Variants in MYO1E observed in about 807,000 individuals in gnomAD.
MYO1E encodes the protein myosin IE.
Under a neutral mutation model 151.1 loss-of-function variants are expected in MYO1E, and 68 were observed. The observed-to-expected ratio is 0.45, with a 90% CI of 0.37 to 0.55. MYO1E has a LOEUF of 0.55. Ranked by LOEUF, MYO1E falls within the 20% of genes least tolerant of loss-of-function variation. MYO1E has a pLI of 0.00. For missense variants in MYO1E, 1,363 were observed against 1,389.3 expected, an observed-to-expected ratio of 0.98 and a Z score of 0.30; for synonymous variants, 601 against 501.7, an observed-to-expected ratio of 1.20 and a Z score of -2.64.
chr15:59,181,018 A>G (rs1844661178), intron 18 of MYO1E, among the ~76,000 whole-genome samples: 1 of 151,962 alleles, frequency 6.6e-6, no homozygotes, highest in South Asian at 2.1e-4. Context: ...TCCTTCTCAG[A>G]GGAAATGCAG....
At chr15:59,236,405 CACACACACACACACAA>C (rs2080066225) in intron 5 of MYO1E, among the ~76,000 whole-genome samples, 164 bp downstream of exon 5, 1 of 149,002 alleles carries the variant, frequency 6.7e-6, no homozygotes, top group African/African-American at 2.5e-5. Flanking sequence ...CACACACACA[CACACACACACACACAA>C]ACACACATAC....
intron 26 of MYO1E, among the ~76,000 whole-genome samples, chr15:59,141,825 G>A (rs1291228004): frequency 6.7e-6 from 1 of 150,186 alleles, no homozygotes; most frequent in Non-Finnish European, 1.5e-5. Flanking sequence ...AAAAGGCTGG[G>A]TGCAGTGGCT....
At chr15:59,200,897 C>A (rs1430495885) in intron 16 of MYO1E, among the ~76,000 whole-genome samples, 1 of 152,132 alleles carries the variant, frequency 6.6e-6, no homozygotes, top group Non-Finnish European at 1.5e-5. Context: ...GGCAAGCACA[C>A]AGCGAGGAAA....
chr15:59,238,344 G>A (rs1235915811), intron 4 of MYO1E, among the ~76,000 whole-genome samples: 1 of 152,142 alleles, frequency 6.6e-6, no homozygotes, highest in Non-Finnish European at 1.5e-5. Flanking sequence ...AAGAATATTG[G>A]AAAGTCCAAG....
chr15:59,186,595 T>C (rs2079699680), intron 18 of MYO1E, among the ~76,000 whole-genome samples: 1 of 151,968 alleles, frequency 6.6e-6, no homozygotes, highest in South Asian at 2.1e-4. Flanking sequence ...CTACGAAAAG[T>C]AAAAAGTCAT....
intron 4 of MYO1E, among the ~76,000 whole-genome samples, chr15:59,252,113 T>G (rs1302966598): frequency 1.3e-5 from 2 of 152,168 alleles, no homozygotes; most frequent in African/African-American, 4.8e-5. Context: ...AAATAAAAAC[T>G]CTGAAATCTT....
intron 4 of MYO1E, among the ~76,000 whole-genome samples, chr15:59,243,325 A>G (rs1348278847): frequency 2.0e-5 from 3 of 152,150 alleles, no homozygotes; most frequent in Non-Finnish European, 4.4e-5. Flanking sequence ...ACACTGAAAT[A>G]TTGTGGCTAT....
chr15:59,247,241 G>C (rs944384353), intron 4 of MYO1E, among the ~76,000 whole-genome samples: 2 of 152,150 alleles, frequency 1.3e-5, no homozygotes, highest in Non-Finnish European at 2.9e-5. Flanking sequence ...GACAGAGTGA[G>C]AGACTTTAAT....
intron 1 of MYO1E, among the ~76,000 whole-genome samples, chr15:59,366,332 C>T (rs1196007136): frequency 6.6e-6 from 1 of 151,226 alleles, no homozygotes; most frequent in Non-Finnish European, 1.5e-5. Context: ...CTCTCACTCT[C>T]ACCCAGGCTG....
At chr15:59,349,152 G>A (rs1310819264) in intron 1 of MYO1E, among the ~76,000 whole-genome samples, 1 of 151,576 alleles carries the variant, frequency 6.6e-6, no homozygotes, top group Non-Finnish European at 1.5e-5. Flanking sequence ...CAGGCAAGGG[G>A]AAAAAAGGGG....
At chr15:59,207,417 C>G in intron 14 of MYO1E, 1 of 1,614,020 alleles carries the variant, frequency 6.2e-7, no homozygotes. Flanking sequence ...TTAATTTAGT[C>G]CAGCGAAATG....
intron 26 of MYO1E, among the ~76,000 whole-genome samples, 167 bp from the exon 27 acceptor site, chr15:59,138,534 G>A (rs865990794): frequency 1.3e-5 from 2 of 152,304 alleles, no homozygotes; most frequent in South Asian, 4.1e-4. Context: ...AGGAATAAAA[G>A]TAACTTTTCT....
chr15:59,145,204 G>A (rs1490885264), intron 26 of MYO1E, among the ~76,000 whole-genome samples: 1 of 152,128 alleles, frequency 6.6e-6, no homozygotes, highest in African/African-American at 2.4e-5. Context: ...GGCAGGTGGA[G>A]CCCCCTACTC....
rs2079527693 is a variant in MYO1E at position 59,159,803 on chromosome 15, T to C, written c.2785+1270A>G. Among the ~76,000 whole-genome samples, 1 of 152,184 alleles carries C rather than the reference T, an allele frequency of 6.6e-6. No individual in the cohort carries two copies. The highest frequency in any genetic ancestry group is 1.5e-5 in the Non-Finnish European group (1 of 68,034). On this transcript the variant is annotated intron_variant, in intron 24 of 27. Transcript: ENST00000288235. This position sits in a 1 kb window ranked among gnomAD's most constrained non-coding sequence, Gnocchi z 4.4. ...TATTGTATTAATATGTTAGAGAACA[T>C]GTTAAGGTGTACCTTTGCAGACAGA...
intron 16 of MYO1E, among the ~76,000 whole-genome samples, chr15:59,196,986 CT>C (rs71977305): frequency 2.5e-4 from 18 of 71,488 alleles, no homozygotes; most frequent in African/African-American, 7.7e-4. Context: ...TTAATTACGA[CT>C]TTTTTTTTTT....
At chr15:59,141,221 G>A (rs1211548967) in intron 26 of MYO1E, among the ~76,000 whole-genome samples, 1 of 152,058 alleles carries the variant, frequency 6.6e-6, no homozygotes, top group Non-Finnish European at 1.5e-5. Flanking sequence ...TGGGCTACAA[G>A]TGCACATGGA....
intron 1 of MYO1E, among the ~76,000 whole-genome samples, chr15:59,318,433 G>C (rs1174533063): frequency 1.3e-5 from 2 of 152,170 alleles, no homozygotes; most frequent in Admixed American, 1.3e-4. Context: ...ACTAGGTAGT[G>C]GTTTTTATAA....
chr15:59,277,564 A>ACAAAAAAAAAAC (rs71119452), intron 1 of MYO1E, among the ~76,000 whole-genome samples: 15,283 of 138,928 alleles, frequency 0.11, 1,293 homozygotes, highest in East Asian at 0.42. Context: ...AAAAAAAAAA[A>ACAAAAAAAAAAC]AAAAAAAAAC....
At chr15:59,268,708 G>A (rs1382889938) in intron 2 of MYO1E, among the ~76,000 whole-genome samples, 1 of 32,274 alleles carries the variant, frequency 3.1e-5, no homozygotes, top group Non-Finnish European at 1.0e-4. Flanking sequence ...ATGGGTTCTG[G>A]GTGACTTTGG....
Sources: gnomAD v4.1 joint callset for allele counts (sites outside exome capture counted in the v4.1 genomes callset) on GRCh38, gnomAD v4.1.1 for gene constraint, Gnocchi (gnomAD v3.1) non-coding constraint, MANE v1.5 for transcripts, NCBI Gene and HGNC (gene_info 2026-07-23, HGNC 2026-07-21) for gene names.